The following TLCD4 variants were observed in gnomAD, a reference collection of about 807,000 sequenced individuals.
TLCD4 encodes the protein TLC domain containing 4.
A neutral mutation model predicts 24.2 loss-of-function variants in TLCD4; 7 were observed. The ratio of observed to expected loss-of-function variants is 0.29; its 90% confidence interval spans 0.16 to 0.54. TLCD4 has a LOEUF of 0.54. Among genes scored for constraint, TLCD4 ranks in the 20% least tolerant of loss-of-function variants. The pLI is 0.95. For synonymous variants in TLCD4, 103 were observed against 106.4 expected, an observed-to-expected ratio of 0.97 and a Z score of 0.20; for missense variants, 259 against 313.9, an observed-to-expected ratio of 0.82 and a Z score of 1.32.
the TLCD4 span, among the ~76,000 whole-genome samples, chr1:95,098,235 C>G: frequency 6.6e-6 from 1 of 152,174 alleles, no homozygotes; most frequent in Admixed American, 6.5e-5. Flanking sequence ...GACTTCAATA[C>G]TCTTGATCTC....
At chr1:95,116,957 T>C (rs1676443421), upstream of TLCD4, among the ~76,000 whole-genome samples, 2 of 152,218 alleles carry the variant, frequency 1.3e-5, no homozygotes, top group South Asian at 4.1e-4. Flanking sequence ...AAACCAGCAG[T>C]TGCCTTTTCA....
At chr1:95,190,709 A>C (rs946428919) in intron 6 of TLCD4, among the ~76,000 whole-genome samples, 1 of 152,216 alleles carries the variant, frequency 6.6e-6, no homozygotes, top group Admixed American at 6.5e-5. Context: ...GGCGTGAGCC[A>C]CTGCAATTTG....
chr1:95,182,844 A>G (rs1053898354), intron 6 of TLCD4, among the ~76,000 whole-genome samples: 16 of 151,976 alleles, frequency 1.1e-4, no homozygotes, highest in African/African-American at 3.6e-4. Context: ...TTTTTTTAAG[A>G]AGTGGATGGA....
At chr1:95,101,694 T>C in the TLCD4 span, among the ~76,000 whole-genome samples, 3 of 152,184 alleles carry the variant, frequency 2.0e-5, no homozygotes, top group Non-Finnish European at 4.4e-5. Context: ...AAACACTGCT[T>C]TGAACAACTC....
Position 95,191,536 on chromosome 1 carries a change from A to C in TLCD4, c.474-14A>C, listed in dbSNP as rs1375121462. ...TGCACTATAAATGTGATGTTTCTTTAATTCATTTTTCAGGTGGTTCTTTGA... is the reference window on the plus strand; with the variant it reads ...TGCACTATAAATGTGATGTTTCTTTCATTCATTTTTCAGGTGGTTCTTTGA... On this transcript the variant is annotated splice_polypyrimidine_tract_variant and intron_variant, in intron 6 of 6. Transcript: ENST00000370203. 6.3e-7 allele frequency: 1 copy of C among 1,590,704 alleles called. No individual in the cohort carries two copies. The highest frequency in any genetic ancestry group is 1.4e-5 in the African/African-American group (1 of 73,632).
In TLCD4 at chr1:95,196,821, G is replaced by A. The variant is rs2101037409; in HGVS notation, c.*4953G>A. 1 of 152,284 alleles carries A rather than the reference G, an allele frequency of 6.6e-6. No individual in the cohort carries two copies. Among genetic ancestry groups the A allele is most frequent in the East Asian group, 1.9e-4 (1 of 5,188 alleles). The allele number at this position is 152,284 out of a possible 1,614,324, so 9.4% of individuals were successfully genotyped here. On this transcript the variant is annotated 3_prime_UTR_variant, in exon 7 of 7. Coordinates refer to ENST00000370203, the MANE Select transcript of TLCD4 (RefSeq NM_152487.3). The stretch of plus-strand genomic sequence containing the variant: ...ACTTAACAAGCCTAAAGGTATAGCT[G>A]TATATAGAATGTGCTCTGTGTTTTT...
At chr1:95,179,241 G>A (rs1031940746) in intron 6 of TLCD4, among the ~76,000 whole-genome samples, 6 of 152,174 alleles carry the variant, frequency 3.9e-5, no homozygotes, top group African/African-American at 9.7e-5. Context: ...GGCCATACAC[G>A]GAACCTACAG....
intron 1 of TLCD4, among the ~76,000 whole-genome samples, chr1:95,127,274 T>C (rs1404847223): frequency 1.3e-5 from 2 of 152,120 alleles, no homozygotes; most frequent in Non-Finnish European, 2.9e-5. Context: ...ACCACTTCCT[T>C]TCCTGTGGGG....
chr1:95,147,366 G>T (rs2100942081), intron 2 of TLCD4, among the ~76,000 whole-genome samples: 1 of 152,292 alleles, frequency 6.6e-6, no homozygotes, highest in South Asian at 2.1e-4. Flanking sequence ...GAGCCACCAT[G>T]CCCGGCCAAG....
chr1:95,133,355 G>A (rs1676951160), intron 1 of TLCD4, among the ~76,000 whole-genome samples: 1 of 150,272 alleles, frequency 6.7e-6, no homozygotes, highest in Non-Finnish European at 1.5e-5. Flanking sequence ...TGCACGTTGT[G>A]CACATGTACC....
chr1:95,162,593 G>A (rs1014985501), intron 5 of TLCD4, among the ~76,000 whole-genome samples: 1 of 152,218 alleles, frequency 6.6e-6, no homozygotes, highest in African/African-American at 2.4e-5. Flanking sequence ...TTTCTTCATA[G>A]CATCGATGGT....
chr1:95,106,438 C>T, the TLCD4 span, among the ~76,000 whole-genome samples: 3 of 152,126 alleles, frequency 2.0e-5, no homozygotes, highest in East Asian at 1.9e-4. Context: ...TGGTGGCTCA[C>T]GCCTGTAATC....
chr1:95,106,550 G>A, the TLCD4 span, among the ~76,000 whole-genome samples: 1 of 152,024 alleles, frequency 6.6e-6, no homozygotes, highest in Non-Finnish European at 1.5e-5. Context: ...AAAATTGGCT[G>A]GGCGTAGTAG....
chr1:95,154,218 T>G (rs887139119), intron 5 of TLCD4, among the ~76,000 whole-genome samples: 1 of 152,164 alleles, frequency 6.6e-6, no homozygotes, highest in African/African-American at 2.4e-5. Context: ...AACAATAAGC[T>G]AAGTTATGTC....
At chr1:95,178,881 T>G (rs956388335) in intron 6 of TLCD4, among the ~76,000 whole-genome samples, 1 of 152,204 alleles carries the variant, frequency 6.6e-6, no homozygotes, top group African/African-American at 2.4e-5. Flanking sequence ...ACAACATATT[T>G]CCCTCTATAC....
At chr1:95,147,215 A>G (rs999076614) in intron 2 of TLCD4, among the ~76,000 whole-genome samples, 13 of 151,940 alleles carry the variant, frequency 8.6e-5, no homozygotes, top group East Asian at 1.9e-4. Flanking sequence ...CTGGGATTAC[A>G]GGTGTGTACC....
upstream of TLCD4, among the ~76,000 whole-genome samples, chr1:95,113,911 C>T (rs539062970): frequency 5.9e-5 from 9 of 152,084 alleles, no homozygotes; most frequent in Non-Finnish European, 1.2e-4. Context: ...TGACTGGCCA[C>T]TGTACTCCTG....
At chr1:95,177,026 C>T (rs1187153109) in intron 6 of TLCD4, among the ~76,000 whole-genome samples, 1 of 152,156 alleles carries the variant, frequency 6.6e-6, no homozygotes, top group African/African-American at 2.4e-5. Context: ...CCTTTCCTCA[C>T]AGTGTTACCA....
At chr1:95,134,661 G>T (rs2100921503) in intron 1 of TLCD4, among the ~76,000 whole-genome samples, 1 of 152,344 alleles carries the variant, frequency 6.6e-6, no homozygotes, top group South Asian at 2.1e-4. Flanking sequence ...GTAGAGGATA[G>T]ATCTCTGCAG....
Sources: allele counts gnomAD v4.1 joint callset (sites outside exome capture counted in the v4.1 genomes callset), GRCh38; gene constraint gnomAD v4.1.1; transcripts MANE v1.5; gene names NCBI Gene and HGNC (gene_info 2026-07-23, HGNC 2026-07-21).